DPP10: variants seen among roughly 807,000 people sequenced by gnomAD.
DPP10 encodes the protein inactive dipeptidyl peptidase 10.
In DPP10, 33 loss-of-function variants were observed where a neutral mutation model predicts 120.9. The ratio of observed to expected loss-of-function variants is 0.27; its 90% CI spans 0.21 to 0.37. The LOEUF is 0.37. Among genes scored for constraint, DPP10 ranks in the 10% least tolerant of loss-of-function variants. The pLI, the probability that DPP10 is intolerant of heterozygous loss-of-function variation, is 1.00. For missense variants in DPP10, 816 were observed against 942.8 expected (o/e 0.87, Z 1.76); for synonymous variants, 337 against 326.1 (o/e 1.03, Z -0.36).
At chr2:114,802,489 C>T (rs778949777) in intron 1 of DPP10, among the ~76,000 whole-genome samples, 4 of 147,800 alleles carry the variant, frequency 2.7e-5, no homozygotes, top group Non-Finnish European at 4.5e-5. Context: ...TATCCTCTTC[C>T]CTGCTCTCTT....
In DPP10 at chr2:114,742,705, C is replaced by T. The variant is rs145339004; in HGVS notation, c.60+299867C>T. On this transcript the variant is annotated intron_variant, in intron 1 of 25. Transcript: ENST00000410059. ...ATACAGACCACACATTTGAAAGAAA[C>T]AATACTGGTGATCGAACAGCAACAC... is the stretch of plus-strand genomic sequence containing the variant. Among the ~76,000 whole-genome samples the T allele has an allele frequency of 1.6e-4, 24 of 152,294 alleles. 1 individual carries two copies. Among genetic ancestry groups the T allele is most frequent in the African/African-American group, 5.3e-4 (22 of 41,564 alleles).
At chr2:115,098,721 C>CA (rs1302423149) in intron 1 of DPP10, among the ~76,000 whole-genome samples, 1 of 152,034 alleles carries the variant, frequency 6.6e-6, no homozygotes, top group Non-Finnish European at 1.5e-5. Context: ...TGGAAAAACA[C>CA]AAAAAGGACA....
intron 1 of DPP10, among the ~76,000 whole-genome samples, chr2:114,858,253 T>C (rs984227627): frequency 3.9e-5 from 6 of 152,190 alleles, no homozygotes; most frequent in African/African-American, 1.4e-4. Flanking sequence ...CCTCCCAAAG[T>C]GCTGGGATTA....
At chr2:115,321,094 G>C (rs2062034312) in intron 2 of DPP10, among the ~76,000 whole-genome samples, 1 of 152,192 alleles carries the variant, frequency 6.6e-6, no homozygotes, top group South Asian at 2.1e-4. Flanking sequence ...GAGGCCAGGA[G>C]TTTGAGACCA....
intron 1 of DPP10, among the ~76,000 whole-genome samples, chr2:115,017,664 T>C (rs544527810): frequency 0.016 from 456 of 28,828 alleles, no homozygotes; most frequent in African/African-American, 0.032. Context: ...CATGGAATAC[T>C]ATGCAGCCAT....
At chr2:114,679,851 C>A in intron 1 of DPP10, among the ~76,000 whole-genome samples, 1 of 151,940 alleles carries the variant, frequency 6.6e-6, no homozygotes, top group Admixed American at 6.6e-5. Flanking sequence ...TACTACAGTA[C>A]CCTTATGGAG....
chr2:115,275,093 G>A (rs568799726), intron 1 of DPP10, among the ~76,000 whole-genome samples: 2 of 152,236 alleles, frequency 1.3e-5, no homozygotes, highest in Admixed American at 1.3e-4. Flanking sequence ...GTTGTTTCTC[G>A]GCTTTCTGGA....
intron 1 of DPP10, among the ~76,000 whole-genome samples, chr2:114,835,979 C>A (rs944414094): frequency 6.6e-5 from 10 of 152,054 alleles, no homozygotes; most frequent in African/African-American, 2.4e-4. Context: ...TATCCTCTTC[C>A]CACATTTAAA....
chr2:115,526,121 T>C, intron 5 of DPP10, 149 bp downstream of exon 5: 1 of 552,518 alleles, frequency 1.8e-6, no homozygotes, highest in Admixed American at 3.7e-5. Context: ...GCACAAAAGA[T>C]GTTTGAAGAT....
chr2:115,806,567 C>T (rs1315681011), intron 19 of DPP10, among the ~76,000 whole-genome samples: 1 of 152,142 alleles, frequency 6.6e-6, no homozygotes, highest in African/African-American at 2.4e-5. Context: ...CCATACATTA[C>T]TGAAGGTGTC....
intron 1 of DPP10, among the ~76,000 whole-genome samples, chr2:114,751,737 T>C (rs1478991881): frequency 1.3e-5 from 2 of 152,190 alleles, no homozygotes; most frequent in Admixed American, 6.5e-5. Flanking sequence ...ATCTATTTCC[T>C]CACTCCAGCC....
At chr2:115,530,869 C>G (rs2078420418) in intron 5 of DPP10, among the ~76,000 whole-genome samples, 1 of 152,010 alleles carries the variant, frequency 6.6e-6, no homozygotes, top group Non-Finnish European at 1.5e-5. Context: ...ACAAACTCCC[C>G]AGGAGATAAT....
At chr2:114,842,979 G>A (rs1280016671) in intron 1 of DPP10, among the ~76,000 whole-genome samples, 1 of 152,094 alleles carries the variant, frequency 6.6e-6, no homozygotes, top group Non-Finnish European at 1.5e-5. Flanking sequence ...CCCATAAAAA[G>A]TGACGTGCTC....
chr2:114,724,907 A>C (rs1701946074), intron 1 of DPP10, among the ~76,000 whole-genome samples: 1 of 152,274 alleles, frequency 6.6e-6, no homozygotes, highest in South Asian at 2.1e-4. Context: ...TGAAGCTGTA[A>C]GAATTTAGGA....
At chr2:115,034,061 C>T (rs921539964) in intron 1 of DPP10, among the ~76,000 whole-genome samples, 2 of 151,690 alleles carry the variant, frequency 1.3e-5, no homozygotes, top group Non-Finnish European at 2.9e-5. Flanking sequence ...CCAAGCCCAG[C>T]TAATTTTTGT....
intron 5 of DPP10, among the ~76,000 whole-genome samples, chr2:115,642,214 A>T (rs777608479): frequency 2.6e-5 from 4 of 152,156 alleles, no homozygotes; most frequent in Admixed American, 2.0e-4. Flanking sequence ...AAACACCGAG[A>T]TGGTTAATTC....
intron 14 of DPP10, 52 bp downstream of exon 14, chr2:115,777,351 C>T: frequency 6.9e-7 from 1 of 1,450,074 alleles, no homozygotes; most frequent in Non-Finnish European, 9.7e-7. Context: ...TGTCAAATGC[C>T]ATCTTTTCTA....
At chr2:115,764,357 A>T (rs529680085) in intron 12 of DPP10, among the ~76,000 whole-genome samples, 1 of 152,208 alleles carries the variant, frequency 6.6e-6, no homozygotes, top group Admixed American at 6.5e-5. Flanking sequence ...TTACGAGTAT[A>T]TGTGTCTTTG....
intron 1 of DPP10, among the ~76,000 whole-genome samples, chr2:115,094,445 AG>A (rs1238889805): frequency 6.6e-6 from 1 of 152,192 alleles, no homozygotes; most frequent in African/African-American, 2.4e-5. Flanking sequence ...CAAGAGTCAA[AG>A]GGCAATCTTC....
Sources: allele counts gnomAD v4.1 joint callset (sites outside exome capture counted in the v4.1 genomes callset), GRCh38; gene constraint gnomAD v4.1.1; transcripts MANE v1.5; gene names NCBI Gene and HGNC (gene_info 2026-07-23, HGNC 2026-07-21).